ARHGAP39: variants seen among roughly 807,000 people sequenced by gnomAD.
The protein encoded by ARHGAP39 is rho GTPase-activating protein 39.
ARHGAP39 carries 44 observed loss-of-function variants against 106.9 expected under a neutral mutation model. The ratio of observed to expected loss-of-function variants is 0.41; its 90% CI spans 0.32 to 0.53. The LOEUF (loss-of-function observed/expected upper bound fraction) is 0.53, where lower values mean the gene tolerates loss of function less well. Among genes scored for constraint, ARHGAP39 ranks in the 20% least tolerant of loss-of-function variants. ARHGAP39 has a pLI of 0.21. For missense variants in ARHGAP39, 1,496 were observed against 1,577.3 expected (o/e 0.95, Z 0.87); for synonymous variants, 768 against 693.2 (o/e 1.11, Z -1.69).
intron 2 of ARHGAP39, among the ~76,000 whole-genome samples, chr8:144,592,589 C>T (rs1045132573): frequency 1.6e-4 from 22 of 137,278 alleles, no homozygotes; most frequent in Non-Finnish European, 3.1e-5. Context: ...CAGCACTGAG[C>T]CCAGACCCTC....
In ARHGAP39 at chr8:144,545,829, G is replaced by T; in HGVS notation, c.1960-19C>A. The T allele has an allele frequency of 2.0e-6, 3 of 1,496,650 alleles. No individual in the cohort carries two copies. Among genetic ancestry groups the T allele is most frequent in the Non-Finnish European group, 2.7e-6 (3 of 1,124,180 alleles). The allele number at this position is 1,496,650 out of a possible 1,614,324, so 92.7% of individuals were successfully genotyped here. On this transcript the variant is annotated intron_variant, in intron 5 of 11. Transcript: ENST00000377307. ...CCTCAGACTGAGAAGGACAAATGCGGCTGGGCTGTTGGGGGTGGGGGAGGG... is the reference window on the plus strand; with the variant it reads ...CCTCAGACTGAGAAGGACAAATGCGTCTGGGCTGTTGGGGGTGGGGGAGGG...
At position 144,597,623 on chromosome 8, in the gene ARHGAP39, T is replaced by C. The variant is rs961967316; in HGVS notation, c.80+7912A>G. Among the ~76,000 whole-genome samples, 10 of 152,190 alleles carry C rather than the reference T, an allele frequency of 6.6e-5. No individual in the cohort carries two copies. The East Asian group carries it at 1.9e-3, about 29-fold the overall frequency. On this transcript the variant is annotated intron_variant, in intron 2 of 11. Transcript: ENST00000377307. ...ATCAGGGGGTCAAGACTGTAATCAA[T>C]GGGGCCGGGATTGCTGACTTGGGTT...
chr8:144,658,077 T>C (rs1021199010), intron 1 of ARHGAP39, among the ~76,000 whole-genome samples: 4 of 152,292 alleles, frequency 2.6e-5, no homozygotes, highest in Admixed American at 6.5e-5. Context: ...GGATGATATA[T>C]ATAGGTTATA....
At chr8:144,583,280 G>C (rs1819066506) in intron 2 of ARHGAP39, among the ~76,000 whole-genome samples, 2 of 152,206 alleles carry the variant, frequency 1.3e-5, no homozygotes, top group Non-Finnish European at 2.9e-5. Context: ...TATTTTTAAA[G>C]TTTTAACTTT....
At chr8:144,618,268 G>A (rs1198166158) in intron 1 of ARHGAP39, among the ~76,000 whole-genome samples, 1 of 152,212 alleles carries the variant, frequency 6.6e-6, no homozygotes, top group Admixed American at 6.5e-5. Context: ...GTGGGGCTGG[G>A]GCCACATGGG....
intron 1 of ARHGAP39, among the ~76,000 whole-genome samples, chr8:144,608,456 C>G (rs12114173): frequency 0.03 from 4,517 of 152,234 alleles, 219 homozygotes; most frequent in African/African-American, 0.1. Flanking sequence ...CAGGCGTCAC[C>G]TCTCAGGAAG....
chr8:144,551,097 G>A (rs1444814874), intron 4 of ARHGAP39, among the ~76,000 whole-genome samples: 2 of 152,192 alleles, frequency 1.3e-5, no homozygotes, highest in Non-Finnish European at 1.5e-5. Context: ...AACAGATACT[G>A]CCTTAGGCCT....
rs1034076971 is a variant in ARHGAP39, at chr8:144,529,729, G to A, written c.*693C>T. On this transcript the variant is annotated 3_prime_UTR_variant, in exon 12 of 12. Transcript: ENST00000377307. ...CTATACACGGTGGGCTGCGATGCAG[G>A]ATAGATTCTGGATTTACAGTTACAC... The A allele has an allele frequency of 1.3e-5, 2 of 152,202 alleles. No individual in the cohort carries two copies. The highest frequency in any genetic ancestry group is 1.5e-5 in the Non-Finnish European group (1 of 68,058). 9.4% of individuals were successfully genotyped at this position (152,202 alleles called of 1,614,324 possible). A position where few individuals can be genotyped will look rare whatever the true frequency, so the allele number is the denominator to read the frequency against.
intron 3 of ARHGAP39, among the ~76,000 whole-genome samples, chr8:144,578,774 G>A (rs565686125): frequency 1.7e-4 from 26 of 151,992 alleles, no homozygotes; most frequent in African/African-American, 6.3e-4. Context: ...CACTGGGCCC[G>A]GGAGGTGAGG....
intron 1 of ARHGAP39, among the ~76,000 whole-genome samples, chr8:144,648,717 AAACTCATTTTTT>A (rs1358343162): frequency 6.6e-6 from 1 of 152,214 alleles, no homozygotes; most frequent in Non-Finnish European, 1.5e-5. Flanking sequence ...GAACTTTTAA[AAACTCATTTTTT>A]AAAGCTAGCT....
chr8:144,531,009 C>G, intron 10 of ARHGAP39, 138 bp from the exon 11 acceptor site: 1 of 1,177,928 alleles, frequency 8.5e-7, no homozygotes, highest in Non-Finnish European at 1.2e-6. Flanking sequence ...CAGGGCCCAT[C>G]TGGCCAGGCT....
intron 1 of ARHGAP39, among the ~76,000 whole-genome samples, chr8:144,633,444 T>C (rs1274667339): frequency 6.6e-6 from 1 of 151,860 alleles, no homozygotes; most frequent in Non-Finnish European, 1.5e-5. Context: ...GGTGACAGAG[T>C]GAGACTCCGT....
chr8:144,640,002 T>G (rs952740048), intron 1 of ARHGAP39, among the ~76,000 whole-genome samples: 1 of 152,200 alleles, frequency 6.6e-6, no homozygotes, highest in Non-Finnish European at 1.5e-5. Flanking sequence ...AGACGTCTGG[T>G]TTTCAGGAAT....
rs918824697 is a variant in ARHGAP39 at position 144,585,089 on chromosome 8, G to A, written c.81-3812C>T. On this transcript the variant is annotated intron_variant, in intron 2 of 11. Transcript: ENST00000377307. This position sits in a 1 kb window ranked among gnomAD's most constrained non-coding sequence, Gnocchi z 4.6. ...AGAGCCAAGGTGTCTCCCTCCACTCGTCCAGGTGTCTGAAGGGCTTAGACG... is the reference window on the plus strand; with the variant it reads ...AGAGCCAAGGTGTCTCCCTCCACTCATCCAGGTGTCTGAAGGGCTTAGACG... 6.6e-6 allele frequency among the ~76,000 whole-genome samples: 1 copy of A among 152,070 alleles called. No homozygotes were observed. Among genetic ancestry groups the A allele is most frequent in the African/African-American group, 2.4e-5 (1 of 41,404 alleles).
intron 3 of ARHGAP39, among the ~76,000 whole-genome samples, chr8:144,558,347 T>G (rs1818022411): frequency 6.6e-6 from 1 of 152,162 alleles, no homozygotes; most frequent in African/African-American, 2.4e-5. Flanking sequence ...AATGCAGTGG[T>G]GTGATCTTGA....
chr8:144,688,709 C>T (rs573040660), upstream of ARHGAP39, among the ~76,000 whole-genome samples: 14 of 152,200 alleles, frequency 9.2e-5, no homozygotes, highest in South Asian at 1.9e-3. Flanking sequence ...GGCAACAGAG[C>T]GAGACCCTGT....
At chr8:144,593,619 G>GA (rs533535649) in intron 2 of ARHGAP39, among the ~76,000 whole-genome samples, 86 of 152,220 alleles carry the variant, frequency 5.6e-4, no homozygotes, top group African/African-American at 1.9e-3. Context: ...CCGAGAGAGT[G>GA]AAAACACAGC....
At chr8:144,638,010 A>G (rs1018286874) in intron 1 of ARHGAP39, among the ~76,000 whole-genome samples, 1 of 151,988 alleles carries the variant, frequency 6.6e-6, no homozygotes. Flanking sequence ...TTTCCTTTTA[A>G]AACATTTTTC....
upstream of ARHGAP39, among the ~76,000 whole-genome samples, chr8:144,686,990 A>T (rs62529942): frequency 1.7e-4 from 6 of 34,568 alleles, no homozygotes; most frequent in Admixed American, 8.9e-4. Context: ...CCGTGACCAC[A>T]CACTGGCGGC....
Sources: gnomAD v4.1 joint callset for allele counts (sites outside exome capture counted in the v4.1 genomes callset) on GRCh38, gnomAD v4.1.1 for gene constraint, Gnocchi (gnomAD v3.1) non-coding constraint, MANE v1.5 for transcripts, NCBI Gene and HGNC (gene_info 2026-07-23, HGNC 2026-07-21) for gene names.